Variants in NR6A1 observed in about 807,000 individuals in gnomAD.
NR6A1 encodes nuclear receptor subfamily 6 group A member 1.
NR6A1 carries 7 observed loss-of-function variants against 59.1 expected under a neutral mutation model. The observed-to-expected ratio is 0.12, with a 90% CI of 0.07 to 0.22. The LOEUF is 0.22. Among genes scored for constraint, NR6A1 ranks in the 10% least tolerant of loss-of-function variants. The probability of loss-of-function intolerance (pLI) is 1.00; values close to 1 mark genes in which losing one functional copy is unlikely to be tolerated. For synonymous variants in NR6A1, 243 were observed against 236.1 expected (o/e 1.03, Z -0.27); for missense variants, 468 against 611.6 (o/e 0.77, Z 2.48).
chr9:124,753,658 G>A (rs1250324193), intron 1 of NR6A1, among the ~76,000 whole-genome samples: 1 of 152,182 alleles, frequency 6.6e-6, no homozygotes, highest in Non-Finnish European at 1.5e-5. Flanking sequence ...TCTGTGCCTA[G>A]TGCTGAGTGT....
At chr9:124,557,777 T>G (rs1833972222) in intron 2 of NR6A1, among the ~76,000 whole-genome samples, 1 of 152,246 alleles carries the variant, frequency 6.6e-6, no homozygotes, top group African/African-American at 2.4e-5. Flanking sequence ...CATGATTGGC[T>G]ATGGAAGAAT....
At chr9:124,565,757 C>A (rs756587429) in intron 2 of NR6A1, among the ~76,000 whole-genome samples, 6 of 152,100 alleles carry the variant, frequency 3.9e-5, no homozygotes, top group Non-Finnish European at 7.4e-5. Context: ...CAAGGACATG[C>A]AAATTAAAAC....
At chr9:124,566,980 C>A (rs908281454) in intron 2 of NR6A1, among the ~76,000 whole-genome samples, 1 of 150,440 alleles carries the variant, frequency 6.6e-6, no homozygotes. Flanking sequence ...TAGTGGCGGG[C>A]GCCTGTAGTC....
At chr9:124,662,766 CA>C (rs973704453) in intron 2 of NR6A1, among the ~76,000 whole-genome samples, 9 of 151,880 alleles carry the variant, frequency 5.9e-5, no homozygotes, top group Non-Finnish European at 1.5e-5. Context: ...GCTGCTTTGT[CA>C]AAAAAAATCT....
chr9:124,594,999 AG>A (rs1377232278), intron 2 of NR6A1, among the ~76,000 whole-genome samples: 1 of 152,228 alleles, frequency 6.6e-6, no homozygotes, highest in Non-Finnish European at 1.5e-5. Context: ...GCAAACTCTT[AG>A]CTTGTACTTC....
intron 2 of NR6A1, among the ~76,000 whole-genome samples, chr9:124,648,585 A>C (rs1398849203): frequency 1.3e-5 from 2 of 152,158 alleles, no homozygotes; most frequent in East Asian, 3.8e-4. Flanking sequence ...TGAATGTATA[A>C]GCCAGAGCAA....
chr9:124,732,061 T>G (rs1839899703), intron 2 of NR6A1, among the ~76,000 whole-genome samples: 1 of 152,210 alleles, frequency 6.6e-6, no homozygotes, highest in South Asian at 2.1e-4. Flanking sequence ...TGGTGTTTGA[T>G]AAGCATCATG....
chr9:124,536,103 G>A lies in NR6A1; in HGVS notation c.854C>T (p.Ala285Val). The A allele has an allele frequency of 1.2e-6, 2 of 1,613,970 alleles. No homozygotes were observed. The highest frequency in any genetic ancestry group is 2.2e-5 in the East Asian group (1 of 44,886). ...CTCGTCGGCCAGGCGGCAAAGCAGG[G>A]CAAATAGTTCTGCCTGTGTCACAGC... The part of the protein sequence containing the change: ...GYAVTQAELF[A>V]LLCRLADELL... Residue 285 changes from alanine (A) to valine (V), a missense_variant, in exon 7 of 10, where the codon GCC becomes GTC. Ala to Val is a moderately conservative substitution (Grantham distance 64, BLOSUM62 0). Around this residue, in one of 4 missense-constraint regions of NR6A1, gnomAD observed 176 missense variants for 264.0 expected, o/e 0.67. Coordinates refer to ENST00000487099, the MANE Select transcript of NR6A1 (RefSeq NM_033334.4).
chr9:124,733,228 ACACCTTAAGTTATTCACTTAAAAGTG>A (rs1839932598), intron 2 of NR6A1, 54 bp downstream of exon 2: 1 of 1,006,836 alleles, frequency 9.9e-7, no homozygotes, highest in African/African-American at 1.6e-5. Context: ...CTTATCAATG[ACACCTTAAGTTATTCACTTAAAAGTG>A]TACACACACA....
chr9:124,721,698 C>T (rs890718811), intron 2 of NR6A1, among the ~76,000 whole-genome samples: 3 of 152,112 alleles, frequency 2.0e-5, no homozygotes, highest in Non-Finnish European at 4.4e-5. Flanking sequence ...CCCTAATACA[C>T]GCAGAAGAGG....
At chr9:124,691,616 C>CA (rs1163241770) in intron 2 of NR6A1, among the ~76,000 whole-genome samples, 8 of 152,176 alleles carry the variant, frequency 5.3e-5, no homozygotes, top group African/African-American at 1.9e-4. Context: ...TCAGCCAGAA[C>CA]AAATGACATC....
At chr9:124,707,752 T>C (rs913415069) in intron 2 of NR6A1, among the ~76,000 whole-genome samples, 11 of 152,070 alleles carry the variant, frequency 7.2e-5, no homozygotes, top group African/African-American at 2.7e-4. Context: ...ATGGCTCCGG[T>C]TTTTCCCCCC....
chr9:124,690,989 AT>A (rs1838524105), intron 2 of NR6A1, among the ~76,000 whole-genome samples: 1 of 152,238 alleles, frequency 6.6e-6, no homozygotes, highest in Non-Finnish European at 1.5e-5. Flanking sequence ...AATTTAAGGA[AT>A]AATATTTTGT....
chr9:124,704,586 T>C (rs1365652414), intron 2 of NR6A1, among the ~76,000 whole-genome samples: 1 of 152,198 alleles, frequency 6.6e-6, no homozygotes, highest in East Asian at 1.9e-4. Flanking sequence ...TTGTGTTTTA[T>C]CTAGTTTCTT....
At chr9:124,609,766 G>C (rs1291776356) in intron 2 of NR6A1, among the ~76,000 whole-genome samples, 1 of 152,124 alleles carries the variant, frequency 6.6e-6, no homozygotes, top group Non-Finnish European at 1.5e-5. Flanking sequence ...CCATTTGTTT[G>C]TGTCCTCTCT....
chr9:124,705,413 T>C (rs1487842119), intron 2 of NR6A1, among the ~76,000 whole-genome samples: 3 of 152,354 alleles, frequency 2.0e-5, no homozygotes. Context: ...CTTTTTCTCA[T>C]GTATTGCCCC....
intron 2 of NR6A1, among the ~76,000 whole-genome samples, chr9:124,718,958 G>C (rs1179468553): frequency 6.6e-6 from 1 of 151,530 alleles, no homozygotes; most frequent in African/African-American, 2.4e-5. Flanking sequence ...GGGATGACAG[G>C]CATGCACCAG....
At chr9:124,629,240 T>G (rs1313882125) in intron 2 of NR6A1, among the ~76,000 whole-genome samples, 3 of 152,246 alleles carry the variant, frequency 2.0e-5, no homozygotes. Flanking sequence ...AAACAAGAAT[T>G]GTTTGTTATC....
At position 124,639,869 on chromosome 9, in the gene NR6A1, G is replaced by T. The variant is rs367761982; in HGVS notation, c.143-85299C>A. 3.9e-5 allele frequency among the ~76,000 whole-genome samples: 6 copies of T among 152,256 alleles called. No individual in the cohort carries two copies. The East Asian group carries it at 9.6e-4, about 24-fold the overall frequency. ...CACTGGAGTGTGTTAAAGAGAGAAA[G>T]GAAGCAGCAGCAGAAACAATTAGTA... On this transcript the variant is annotated intron_variant, in intron 2 of 9. Transcript: ENST00000487099.
Sources: allele counts gnomAD v4.1 joint callset (sites outside exome capture counted in the v4.1 genomes callset), GRCh38; gene constraint gnomAD v4.1.1; regional missense constraint gnomAD v4.1.1; transcripts MANE v1.5; gene names NCBI Gene and HGNC (gene_info 2026-07-23, HGNC 2026-07-21).